THSD4: variants seen among roughly 807,000 people sequenced by gnomAD.
The protein encoded by THSD4 is thrombospondin type 1 domain containing 4.
A neutral mutation model predicts 119.0 loss-of-function variants in THSD4; 69 were observed. That is an observed-to-expected ratio of 0.58 (90% CI 0.48 to 0.71). The LOEUF (loss-of-function observed/expected upper bound fraction) is 0.71, where lower values mean the gene tolerates loss of function less well. Ranked by LOEUF, THSD4 falls within the 30% of genes least tolerant of loss-of-function variation. The pLI, the probability that THSD4 is intolerant of heterozygous loss-of-function variation, is 0.00. For missense variants in THSD4, 1,393 were observed against 1,391.1 expected (o/e 1.00, Z -0.02); for synonymous variants, 524 against 540.4 (o/e 0.97, Z 0.42).
intron 3 of THSD4, among the ~76,000 whole-genome samples, chr15:71,214,378 G>T (rs916393994): frequency 1.3e-5 from 2 of 152,222 alleles, no homozygotes; most frequent in African/African-American, 4.8e-5. Context: ...GTTTGAGTCA[G>T]TGCTACCTTT....
At position 71,432,777 on chromosome 15, in the gene THSD4, T is replaced by G. The variant is rs952647840; in HGVS notation, c.1152+20954T>G. Among the ~76,000 whole-genome samples, 6 of 152,104 alleles carry G rather than the reference T, an allele frequency of 3.9e-5. No individual in the cohort carries two copies. In the South Asian group the frequency reaches 8.3e-4, roughly 21 times the overall value. On this transcript the variant is annotated intron_variant, in intron 7 of 17. Transcript: ENST00000261862. ...TTCTTTTTCAACTTTTTATATTTAT[T>G]CAGTTTTATCTATACCATCTTTTTA...
intron 4 of THSD4, among the ~76,000 whole-genome samples, chr15:71,240,910 G>A (rs936136614): frequency 6.6e-6 from 1 of 151,924 alleles, no homozygotes; most frequent in Admixed American, 6.6e-5. Flanking sequence ...AGTCCCAAGT[G>A]TTGCCAAGAT....
chr15:71,768,545 C>CT (rs2053755266), intron 16 of THSD4, among the ~76,000 whole-genome samples: 1 of 149,968 alleles, frequency 6.7e-6, no homozygotes, highest in Admixed American at 6.7e-5. Flanking sequence ...ACTTGCAGAC[C>CT]TGACGCAGAT....
intron 7 of THSD4, among the ~76,000 whole-genome samples, chr15:71,565,538 T>A (rs8026019): frequency 0.85 from 129,737 of 152,166 alleles, 55,911 homozygotes; most frequent in Non-Finnish European, 0.91. Context: ...ACATAATAAG[T>A]TGCTAATTGC....
chr15:71,359,225 C>T (rs1206249502), intron 6 of THSD4, among the ~76,000 whole-genome samples: 1 of 152,228 alleles, frequency 6.6e-6, no homozygotes, highest in Non-Finnish European at 1.5e-5. Context: ...ATGTGTAAGA[C>T]ACTCTTTTTG....
intron 15 of THSD4, among the ~76,000 whole-genome samples, chr15:71,764,439 C>T (rs2053680680): frequency 6.6e-6 from 1 of 152,182 alleles, no homozygotes; most frequent in African/African-American, 2.4e-5. Flanking sequence ...ATTTCAGCAC[C>T]ACATTAGGAA....
At chr15:71,644,516 G>C (rs1395266420) in intron 7 of THSD4, among the ~76,000 whole-genome samples, 1 of 151,990 alleles carries the variant, frequency 6.6e-6, no homozygotes, top group Non-Finnish European at 1.5e-5. Flanking sequence ...GTAAGCTCCA[G>C]ATTTACAAAA....
chr15:71,279,945 A>G (rs923448136), intron 6 of THSD4, among the ~76,000 whole-genome samples: 1 of 152,238 alleles, frequency 6.6e-6, no homozygotes, highest in Admixed American at 6.5e-5. Context: ...ACAGTTGCAT[A>G]TCTAGAAAAT....
chr15:71,419,192 CTTTTCTTTTCT>C (rs2046785380), intron 7 of THSD4, among the ~76,000 whole-genome samples: 1 of 50,192 alleles, frequency 2.0e-5, no homozygotes, highest in African/African-American at 6.0e-5. Flanking sequence ...TATTTCTTTT[CTTTTCTTTTCT>C]TTTTCTTTTT....
chr15:71,493,590 C>T (rs900112450), intron 7 of THSD4, among the ~76,000 whole-genome samples: 6 of 152,088 alleles, frequency 3.9e-5, no homozygotes, highest in Non-Finnish European at 7.4e-5. Flanking sequence ...GAATGTGGGG[C>T]GTTAGCTTTA....
At chr15:71,141,075 A>G (rs1346024710) in intron 1 of THSD4, among the ~76,000 whole-genome samples, 1 of 152,220 alleles carries the variant, frequency 6.6e-6, no homozygotes, top group Non-Finnish European at 1.5e-5. Context: ...CTCAACTTGC[A>G]CTGTTAGGGA....
At chr15:71,256,765 C>A (rs1385681863) in intron 6 of THSD4, 50 bp downstream of exon 6, 6 of 1,541,862 alleles carry the variant, frequency 3.9e-6, no homozygotes, top group Non-Finnish European at 4.5e-6. Flanking sequence ...GTCTGTTTTC[C>A]ATTCTTGTTG....
chr15:71,217,291 C>T (rs1459990209), intron 4 of THSD4, among the ~76,000 whole-genome samples: 1 of 152,068 alleles, frequency 6.6e-6, no homozygotes, highest in Non-Finnish European at 1.5e-5. Flanking sequence ...CAGGATACAA[C>T]AAAAAGATCA....
chr15:71,685,185 C>T (rs2051881341), intron 8 of THSD4, among the ~76,000 whole-genome samples: 1 of 149,706 alleles, frequency 6.7e-6, no homozygotes, highest in Non-Finnish European at 1.5e-5. Context: ...ATGATTTCTA[C>T]CTTGGTTTCC....
At chr15:71,353,581 T>C (rs79242828) in intron 6 of THSD4, among the ~76,000 whole-genome samples, 3,550 of 152,330 alleles carry the variant, frequency 0.023, 132 homozygotes, top group African/African-American at 0.079. Flanking sequence ...CCAGGACACC[T>C]TTTATATTGT....
intron 7 of THSD4, among the ~76,000 whole-genome samples, chr15:71,464,168 C>G (rs965354492): frequency 1.3e-5 from 2 of 152,232 alleles, no homozygotes; most frequent in East Asian, 3.9e-4. Flanking sequence ...AGACAGTCCA[C>G]TCTGGCTCAG....
At chr15:71,487,450 C>G (rs971678381) in intron 7 of THSD4, among the ~76,000 whole-genome samples, 1 of 152,118 alleles carries the variant, frequency 6.6e-6, no homozygotes, top group African/African-American at 2.4e-5. Context: ...ATCCAATTGC[C>G]TTTTCTAAGT....
rs2053989290 is a variant in THSD4, at chr15:71,780,964, G to C, written c.*3590G>C. 2.9e-6 allele frequency: 1 copy of C among 349,886 alleles called. No individual in the cohort carries two copies. The highest frequency in any genetic ancestry group is 2.1e-5 in the African/African-American group (1 of 46,698). 21.7% of individuals were successfully genotyped at this position (349,886 alleles called of 1,614,324 possible). ...ATGTTGTGGGTTTTCTTTTCATTCG[G>C]ATAGCCACTTTATAGTTGGAATATC... is the stretch of plus-strand genomic sequence containing the variant. On this transcript the variant is annotated 3_prime_UTR_variant, in exon 18 of 18. Transcript: ENST00000261862.
At chr15:71,396,171 T>A (rs2046452462) in intron 6 of THSD4, among the ~76,000 whole-genome samples, 1 of 152,074 alleles carries the variant, frequency 6.6e-6, no homozygotes, top group South Asian at 2.1e-4. Context: ...GACACATGTA[T>A]ATACATACAC....
Sources: allele counts gnomAD v4.1 joint callset (sites outside exome capture counted in the v4.1 genomes callset), GRCh38; gene constraint gnomAD v4.1.1; transcripts MANE v1.5; gene names NCBI Gene and HGNC (gene_info 2026-07-23, HGNC 2026-07-21).